The following MYT1L variants were observed in gnomAD, a reference collection of about 807,000 sequenced individuals.
MYT1L encodes the protein myelin transcription factor 1 like.
Under a neutral mutation model 126.7 loss-of-function variants are expected in MYT1L, and 12 were observed. That is an observed-to-expected ratio of 0.09 (90% CI 0.06 to 0.15). MYT1L has a LOEUF of 0.15. Among genes scored for constraint, MYT1L ranks in the 10% least tolerant of loss-of-function variants. MYT1L has a pLI of 1.00. For missense variants in MYT1L, 979 were observed against 1,585.2 expected (o/e 0.62, Z 6.49); for synonymous variants, 541 against 604.2 (o/e 0.90, Z 1.53).
chr2:2,270,872 C>G (rs984332503), intron 2 of MYT1L, among the ~76,000 whole-genome samples: 7 of 151,696 alleles, frequency 4.6e-5, no homozygotes, highest in African/African-American at 1.2e-4. Flanking sequence ...TCATCATGAC[C>G]TTCCTCTTTA....
At chr2:1,882,013 CT>C (rs2047623212) in intron 18 of MYT1L, among the ~76,000 whole-genome samples, 1 of 152,186 alleles carries the variant, frequency 6.6e-6, no homozygotes, top group Non-Finnish European at 1.5e-5. Flanking sequence ...GTCTCTACAT[CT>C]CAACTGGGCA....
chr2:1,815,242 G>A (rs376338997), intron 21 of MYT1L, among the ~76,000 whole-genome samples: 64 of 152,278 alleles, frequency 4.2e-4, no homozygotes, highest in African/African-American at 1.5e-3. Context: ...GCCCCTCTGC[G>A]GCTGGGCTTG....
chr2:1,903,006 G>A (rs2050557991), intron 14 of MYT1L, 74 bp downstream of exon 14: 2 of 1,371,956 alleles, frequency 1.5e-6, no homozygotes, highest in East Asian at 4.6e-5. Flanking sequence ...CTAATTTGTA[G>A]GACATTGATA....
At chr2:2,027,765 C>A (rs2065801031) in intron 4 of MYT1L, among the ~76,000 whole-genome samples, 1 of 151,962 alleles carries the variant, frequency 6.6e-6, no homozygotes, top group East Asian at 1.9e-4. Context: ...ATCTCTGAGT[C>A]TTACCTGCCT....
intron 18 of MYT1L, among the ~76,000 whole-genome samples, chr2:1,856,961 C>T (rs6711628): frequency 0.73 from 110,844 of 151,792 alleles, 40,612 homozygotes; most frequent in Middle Eastern, 0.87. Context: ...GTTAGACACA[C>T]GTGTTGAACA....
At chr2:1,996,891 C>T (rs1202211181) in intron 5 of MYT1L, among the ~76,000 whole-genome samples, 1 of 133,858 alleles carries the variant, frequency 7.5e-6, no homozygotes, top group African/African-American at 2.9e-5. Flanking sequence ...GTGTGGACTG[C>T]ATGGAACCGA....
Position 1,979,450 on chromosome 2 carries a change from A to C in MYT1L, c.89+71T>G. 7.1e-7 allele frequency: 1 copy of C among 1,407,572 alleles called. No homozygotes were observed. The highest frequency in any genetic ancestry group is 2.3e-5 in the East Asian group (1 of 43,860). 87.2% of individuals were successfully genotyped at this position (1,407,572 alleles called of 1,614,324 possible). ...AAGCTGCCGATGAGCTGGAAGGTGC[A>C]GTGTGCCCATTAGAAGGCGTGAATT... On this transcript the variant is annotated intron_variant, in intron 7 of 24. Transcript: ENST00000647738. The surrounding 1 kb of genome is among the most constrained non-coding windows in gnomAD (Gnocchi z 4.0).
At chr2:2,313,693 T>G (rs1454281239) in intron 1 of MYT1L, among the ~76,000 whole-genome samples, 3 of 152,178 alleles carry the variant, frequency 2.0e-5, no homozygotes, top group Non-Finnish European at 4.4e-5. Context: ...TGTCTTGGTC[T>G]TCTCCTAAAA....
rs1414088311 is a variant in MYT1L, at chr2:1,814,042, AAG to A, written c.3081-4877_3081-4876del. On this transcript the variant is annotated intron_variant, in intron 21 of 24. Coordinates refer to ENST00000647738, the MANE Select transcript of MYT1L (RefSeq NM_001303052.2). Reference sequence around the variant, plus strand: ...ACTCCGTCCCCAAAAAAAAAAAAAAAAGAAAGAAAAATTAGCTTCCATGAAAC... The same window carrying A: ...ACTCCGTCCCCAAAAAAAAAAAAAAAAAAGAAAAATTAGCTTCCATGAAAC... Among the ~76,000 whole-genome samples, 11 of 149,024 alleles carry A rather than the reference AAG, an allele frequency of 7.4e-5. 2 individuals carry two copies. The highest frequency in any genetic ancestry group is 3.4e-3 in the Middle Eastern group (1 of 290).
Position 1,887,646 on chromosome 2 carries a change from A to T in MYT1L, c.2521-37T>A. On this transcript the variant is annotated intron_variant, in intron 16 of 24. Coordinates refer to ENST00000647738, the MANE Select transcript of MYT1L (RefSeq NM_001303052.2). This position sits in a 1 kb window ranked among gnomAD's most constrained non-coding sequence, Gnocchi z 4.8. ...ACACAGCTTCAGAGCCACACGGATGATCACATGGCACACAGACTGAGGGAG... is the reference window on the plus strand; with the variant it reads ...ACACAGCTTCAGAGCCACACGGATGTTCACATGGCACACAGACTGAGGGAG... The T allele has an allele frequency of 6.2e-7, 1 of 1,613,720 alleles. No homozygotes were observed. The highest frequency in any genetic ancestry group is 8.5e-7 in the Non-Finnish European group (1 of 1,179,784).
chr2:2,022,660 G>A (rs975288643), intron 4 of MYT1L, among the ~76,000 whole-genome samples: 7 of 150,016 alleles, frequency 4.7e-5, no homozygotes, highest in Admixed American at 1.3e-4. Context: ...CCTTTCTTTC[G>A]TTCCTGCTCT....
chr2:1,872,435 G>A (rs1013158243), intron 18 of MYT1L, among the ~76,000 whole-genome samples: 28 of 152,288 alleles, frequency 1.8e-4, no homozygotes, highest in African/African-American at 4.8e-4. Flanking sequence ...AGAAGGCAGC[G>A]GTGTGGACTA....
intron 5 of MYT1L, among the ~76,000 whole-genome samples, chr2:1,981,693 G>A (rs1477828055): frequency 1.3e-5 from 2 of 152,188 alleles, no homozygotes; most frequent in Admixed American, 1.3e-4. Context: ...TGAGCATGGG[G>A]AGGACGAGTC....
intron 21 of MYT1L, among the ~76,000 whole-genome samples, chr2:1,814,375 G>A (rs2037301322): frequency 6.6e-6 from 1 of 152,174 alleles, no homozygotes; most frequent in African/African-American, 2.4e-5. Context: ...CTGCGCCCTG[G>A]AGCGCAGCCT....
intron 5 of MYT1L, among the ~76,000 whole-genome samples, chr2:1,995,747 C>T (rs998858872): frequency 6.6e-6 from 1 of 152,174 alleles, no homozygotes; most frequent in Non-Finnish European, 1.5e-5. Context: ...CCAGACAACA[C>T]TGCCTGGGCT....
At chr2:2,225,641 A>T (rs923191006) in intron 2 of MYT1L, among the ~76,000 whole-genome samples, 2 of 151,268 alleles carry the variant, frequency 1.3e-5, no homozygotes, top group African/African-American at 4.9e-5. Flanking sequence ...CCAGCAGGCA[A>T]CTCCCCACCC....
intron 3 of MYT1L, among the ~76,000 whole-genome samples, chr2:2,162,844 TTC>T (rs539833077): frequency 6.9e-4 from 105 of 152,344 alleles, no homozygotes; most frequent in African/African-American, 2.3e-3. Flanking sequence ...GTCGGAAATG[TTC>T]TCTTGCTCTC....
chr2:2,248,327 C>G (rs2094572885), intron 2 of MYT1L, among the ~76,000 whole-genome samples: 1 of 151,792 alleles, frequency 6.6e-6, no homozygotes, highest in South Asian at 2.1e-4. Context: ...AAGATTGAAC[C>G]ATGAAGAAAT....
At chr2:1,911,321 G>A (rs1317214222) in intron 12 of MYT1L, among the ~76,000 whole-genome samples, 1 of 152,004 alleles carries the variant, frequency 6.6e-6, no homozygotes, top group Non-Finnish European at 1.5e-5. Flanking sequence ...AATTTTACGT[G>A]AACTCATAAA....
Sources: gnomAD v4.1 joint callset for allele counts (sites outside exome capture counted in the v4.1 genomes callset) on GRCh38, gnomAD v4.1.1 for gene constraint, Gnocchi (gnomAD v3.1) non-coding constraint, MANE v1.5 for transcripts, NCBI Gene and HGNC (gene_info 2026-07-23, HGNC 2026-07-21) for gene names.